Variants in KPTN observed in about 807,000 individuals in gnomAD.
KPTN encodes KICSTOR complex protein kaptin.
KPTN carries 36 observed loss-of-function variants against 52.6 expected under a neutral mutation model. The ratio of observed to expected loss-of-function variants is 0.68; its 90% CI spans 0.52 to 0.90. The LOEUF (loss-of-function observed/expected upper bound fraction) is 0.90. Ranked by LOEUF, KPTN falls within the 40% of genes least tolerant of loss-of-function variation. The pLI is 0.00. For missense variants in KPTN, 529 were observed against 576.2 expected (o/e 0.92, Z 0.84); for synonymous variants, 271 against 248.4 (o/e 1.09, Z -0.85).
intron 4 of KPTN, among the ~76,000 whole-genome samples, chr19:47,481,842 T>C (rs1013191330): frequency 3.9e-5 from 6 of 152,222 alleles, no homozygotes; most frequent in African/African-American, 9.6e-5. Flanking sequence ...TCTGGAACTC[T>C]AGAATGGAAC....
intron 7 of KPTN, 74 bp from the exon 8 acceptor site, chr19:47,480,014 C>T (rs942168137): frequency 4.3e-6 from 5 of 1,165,310 alleles, no homozygotes; most frequent in South Asian, 2.6e-5. Context: ...CATCGACTTT[C>T]CGCCCCCACC....
chr19:47,480,022 A>G lies in KPTN; in HGVS notation c.710-82T>C. 2.9e-5 allele frequency: 20 copies of G among 689,612 alleles called. No individual in the cohort carries two copies. In the South Asian group the frequency reaches 4.2e-4, roughly 14 times the overall value. The allele number at this position is 689,612 out of a possible 1,614,324, so 42.7% of individuals were successfully genotyped here. A position where few individuals can be genotyped will look rare whatever the true frequency, so the allele number is the denominator to read the frequency against. On this transcript the variant is annotated intron_variant, in intron 7 of 11. Transcript: ENST00000338134. The stretch of plus-strand genomic sequence containing the variant: ...CTGAAACCATCGACTTTCCGCCCCC[A>G]CCGTTCATCCCCACCCTAGCCCCGC...
chr19:47,477,605 G>T, intron 9 of KPTN, 101 bp downstream of exon 9: 1 of 892,850 alleles, frequency 1.1e-6, no homozygotes, highest in East Asian at 2.5e-5. Flanking sequence ...TCCAGCTCTG[G>T]GTAATCCACC....
rs767761734 is a variant in KPTN, at chr19:47,476,876, C to T, written c.926G>A (p.Ser309Asn). The change falls in exon 10 of 12, where the codon AGC becomes AAC. Residue 309 changes from serine (S) to asparagine (N), a missense_variant. Physicochemically the swap from Ser to Asn is conservative, Grantham distance 46 (BLOSUM62 1). Coordinates refer to ENST00000338134, the MANE Select transcript of KPTN (RefSeq NM_007059.4). Reference protein sequence around the residue: ...LLLPGSDQFDSVLCSLVTDVD... With the variant: ...LLLPGSDQFDNVLCSLVTDVD... ...ATCGGTGACCAGGCTGCAGAGGACGCTGTCAAACTGGTCACTGCCGGGCAG... is the reference window on the plus strand; with the variant it reads ...ATCGGTGACCAGGCTGCAGAGGACGTTGTCAAACTGGTCACTGCCGGGCAG... The T allele has an allele frequency of 1.3e-6, 2 of 1,567,252 alleles. No individual in the cohort carries two copies. The highest frequency in any genetic ancestry group is 1.7e-6 in the Non-Finnish European group (2 of 1,155,522).
chr19:47,484,062 G>A lies in KPTN; in HGVS notation c.99C>T (p.Gly33=), dbSNP rs759811294. Residue 33 remains glycine, a synonymous_variant, in exon 1 of 12, where the codon GGC becomes GGT. Transcript: ENST00000338134. ...SSQSNVYGLA[G]GAGGRGELLA... ...GCAGCTCCCCGCGCCCGCCGGCGCC[G>A]CCTGCCAGCCCGTACACATTGCTCT... 5.0e-6 allele frequency: 8 copies of A among 1,609,056 alleles called. No individual in the cohort carries two copies. The highest frequency in any genetic ancestry group is 2.7e-5 in the African/African-American group (2 of 74,894).
Position 47,478,569 on chromosome 19 carries a change from A to AAAAAAAAAAAG in KPTN, c.788-789_788-788insCTTTTTTTTTT, listed in dbSNP as rs1967758027. On this transcript the variant is annotated intron_variant, in intron 8 of 11. Transcript: ENST00000338134. ...ACCAGCCTGACCAAGACTCTGTCTAAAAAAAAAAAAAAAAAAAAAGACATT... is the reference window on the plus strand; with the variant it reads ...ACCAGCCTGACCAAGACTCTGTCTAAAAAAAAAAAAGAAAAAAAAAAAAAAAAAAAGACATT... Among the ~76,000 whole-genome samples the AAAAAAAAAAAG allele has an allele frequency of 5.3e-5, 6 of 112,184 alleles. 1 individual carries two copies. The highest frequency in any genetic ancestry group is 4.9e-4 in the Admixed American group (6 of 12,322). The allele number at this position is 112,184 out of a possible 152,430, so 73.6% of individuals were successfully genotyped here.
intron 8 of KPTN, among the ~76,000 whole-genome samples, chr19:47,478,567 T>TAGAAAAAAAA (rs1967756295): frequency 1.5e-5 from 1 of 66,234 alleles, no homozygotes. Flanking sequence ...AGACTCTGTC[T>TAGAAAAAAAA]AAAAAAAAAA....
At position 47,476,835 on chromosome 19, in the gene KPTN, G is replaced by T; in HGVS notation, c.967C>A (p.Arg323=). Residue 323 remains arginine, a synonymous_variant, in exon 10 of 12, where the codon CGG becomes AGG. Coordinates refer to ENST00000338134, the MANE Select transcript of KPTN (RefSeq NM_007059.4). Reference sequence around the variant, plus strand: ...TAGGTGGCCACCAGGACTTCTGGCCGCCCATCCAAATCCACATCGGTGACC... The same window carrying T: ...TAGGTGGCCACCAGGACTTCTGGCCTCCCATCCAAATCCACATCGGTGACC... ...SLVTDVDLDG[R]PEVLVATYGQ... 1 of 1,581,874 alleles carries T rather than the reference G, an allele frequency of 6.3e-7. No homozygotes were observed. The highest frequency in any genetic ancestry group is 8.6e-7 in the Non-Finnish European group (1 of 1,163,712).
chr19:47,476,923 C>G lies in KPTN; in HGVS notation c.879G>C (p.Arg293=). ...PAVVYRDLLN[R]GLEDQLLLPG... is the part of the protein sequence containing the mutation. ...GCAGGAGAAGCTGGTCTTCAAGACC[C>G]CGGTTCAGCAGGTCCCTGAGGGTCC... The change falls in exon 10 of 12, where the codon CGG becomes CGC. Residue 293 remains arginine, a synonymous_variant. Transcript: ENST00000338134. 1 of 1,557,462 alleles carries G rather than the reference C, an allele frequency of 6.4e-7. No homozygotes were observed. The highest frequency in any genetic ancestry group is 1.2e-5 in the South Asian group (1 of 84,504).
At position 47,476,894 on chromosome 19, in the gene KPTN, C is replaced by T; in HGVS notation, c.908G>A (p.Gly303Asp). The change falls in exon 10 of 12, where the codon GGC (glycine) becomes GAC (aspartate). Residue 303 changes from glycine to aspartate, a missense_variant. Coordinates refer to ENST00000338134, the MANE Select transcript of KPTN (RefSeq NM_007059.4). Reference sequence around the variant, plus strand: ...GAGGACGCTGTCAAACTGGTCACTGCCGGGCAGGAGAAGCTGGTCTTCAAG... The same window carrying T: ...GAGGACGCTGTCAAACTGGTCACTGTCGGGCAGGAGAAGCTGGTCTTCAAG... The part of the protein sequence containing the change: ...RGLEDQLLLP[G>D]SDQFDSVLCS... The T allele has an allele frequency of 6.4e-7, 1 of 1,563,034 alleles. No individual in the cohort carries two copies. The highest frequency in any genetic ancestry group is 1.2e-5 in the South Asian group (1 of 84,906).
chr19:47,477,664 AAAG>A (rs1967718823), intron 9 of KPTN, 39 bp downstream of exon 9: 8 of 1,468,656 alleles, frequency 5.4e-6, no homozygotes, highest in Non-Finnish European at 7.6e-6. Flanking sequence ...CAGTGCAAAG[AAAG>A]AAGGTTAGAC....
chr19:47,483,815 C>A, intron 1 of KPTN, 120 bp downstream of exon 1: 1 of 1,371,152 alleles, frequency 7.3e-7, no homozygotes, highest in Non-Finnish European at 9.9e-7. Context: ...TCCCAGTGAC[C>A]CCCTTAAAAC....
rs1967989929 is a variant in KPTN at position 47,484,083 on chromosome 19, G to A, written c.78C>T (p.Ser26=). The change falls in exon 1 of 12, where the codon AGC becomes AGT. Residue 26 remains serine (S), a synonymous_variant. Transcript: ENST00000338134. The part of the protein sequence containing the change: ...EDSFTRFSSQ[S]NVYGLAGGAG... The stretch of plus-strand genomic sequence containing the variant: ...CGCCGCCTGCCAGCCCGTACACATT[G>A]CTCTGCGACGAGAAGCGCGTGAAGC... The A allele has an allele frequency of 6.2e-7, 1 of 1,608,576 alleles. No homozygotes were observed. The highest frequency in any genetic ancestry group is 1.3e-5 in the African/African-American group (1 of 74,912).
chr19:47,483,576 C>T lies in KPTN; in HGVS notation c.235G>A (p.Glu79Lys), dbSNP rs1348510215. ...TTGAAAGTGTCGATGGAGACAATCT[C>T]CGCATCCACTGGGAGGGGAGAGTTC... ...LQFNYIPVDAEIVSIDTFNKS... is the reference protein window; with the variant it reads ...LQFNYIPVDAKIVSIDTFNKS... The change falls in exon 2 of 12, where the codon GAG (glutamate) becomes AAG (lysine). Residue 79 changes from glutamate (E) to lysine (K), a missense_variant. Transcript: ENST00000338134. The T allele has an allele frequency of 1.9e-6, 3 of 1,558,490 alleles. No individual in the cohort carries two copies. The highest frequency in any genetic ancestry group is 4.8e-5 in the East Asian group (2 of 41,562).
chr19:47,483,416 T>C (rs746100998), intron 2 of KPTN, 37 bp from the exon 3 acceptor site: 2 of 1,604,338 alleles, frequency 1.2e-6, no homozygotes, highest in Non-Finnish European at 1.7e-6. Flanking sequence ...AGGGCAGGGG[T>C]GGCAGGAGGG....
chr19:47,478,567 TAA>T (rs757744803), intron 8 of KPTN, among the ~76,000 whole-genome samples: 12,494 of 66,004 alleles, frequency 0.19, 1,390 homozygotes, highest in African/African-American at 0.38. Context: ...AGACTCTGTC[TAA>T]AAAAAAAAAA....
intron 1 of KPTN, 127 bp downstream of exon 1, chr19:47,483,808 C>T: frequency 7.6e-7 from 1 of 1,322,712 alleles, no homozygotes; most frequent in Non-Finnish European, 1.0e-6. Flanking sequence ...CCGCTGATCC[C>T]AGTGACCCCC....
upstream of KPTN, chr19:47,484,250 C>T (rs191678241): frequency 8.6e-4 from 1,223 of 1,427,194 alleles, 15 homozygotes; most frequent in Non-Finnish European, 3.1e-4. Context: ...CCGCCGGGTG[C>T]CCGGCCGTTG....
At chr19:47,485,734 G>A (rs1315389619), upstream of KPTN, among the ~76,000 whole-genome samples, 6 of 152,232 alleles carry the variant, frequency 3.9e-5, no homozygotes, top group African/African-American at 1.4e-4. Context: ...AACGGAGGTG[G>A]CAAGGAATTT....
Sources: allele counts gnomAD v4.1 joint callset (sites outside exome capture counted in the v4.1 genomes callset), GRCh38; gene constraint gnomAD v4.1.1; transcripts MANE v1.5; gene names NCBI Gene and HGNC (gene_info 2026-07-23, HGNC 2026-07-21).